The following JAZF1 variants were observed in gnomAD, a reference collection of about 807,000 sequenced individuals.
JAZF1 encodes the protein JAZF zinc finger 1.
A neutral mutation model predicts 26.4 loss-of-function variants in JAZF1; 8 were observed. The observed-to-expected ratio is 0.30, with a 90% CI of 0.18 to 0.55. The LOEUF (loss-of-function observed/expected upper bound fraction) is 0.55, where lower values mean the gene tolerates loss of function less well. JAZF1 is among the 20% of genes least tolerant of loss of function. JAZF1 has a pLI of 0.94. For missense variants in JAZF1, 199 were observed against 322.0 expected (o/e 0.62, Z 2.92); for synonymous variants, 126 against 122.3 (o/e 1.03, Z -0.20).
At chr7:28,140,707 T>C (rs1208300085) in intron 1 of JAZF1, among the ~76,000 whole-genome samples, 2 of 152,230 alleles carry the variant, frequency 1.3e-5, no homozygotes, top group East Asian at 1.9e-4. Flanking sequence ...ACACATTGAA[T>C]TAAAGTAGAG....
chr7:27,869,996 C>T (rs2128337706), intron 3 of JAZF1, among the ~76,000 whole-genome samples: 1 of 152,136 alleles, frequency 6.6e-6, no homozygotes, highest in South Asian at 2.1e-4. Context: ...GCAACCTCTG[C>T]ATCCTGGGTT....
intron 1 of JAZF1, among the ~76,000 whole-genome samples, chr7:28,171,565 G>A (rs546519816): frequency 2.6e-5 from 4 of 152,328 alleles, no homozygotes; most frequent in Admixed American, 2.0e-4. Flanking sequence ...CCCCGCTGGT[G>A]CAGCTGTGGG....
chr7:27,867,588 G>C (rs1783496709), intron 3 of JAZF1, among the ~76,000 whole-genome samples: 1 of 152,232 alleles, frequency 6.6e-6, no homozygotes, highest in Non-Finnish European at 1.5e-5. Context: ...GTACCAGGCA[G>C]GCCTCATAAC....
chr7:28,086,236 C>T (rs1784210100), intron 1 of JAZF1, among the ~76,000 whole-genome samples: 1 of 152,316 alleles, frequency 6.6e-6, no homozygotes, highest in Non-Finnish European at 1.5e-5. Flanking sequence ...GGTGGCTAAA[C>T]ATCTTGCCTC....
intron 1 of JAZF1, among the ~76,000 whole-genome samples, chr7:28,040,043 G>T (rs1010573331): frequency 6.6e-6 from 1 of 152,140 alleles, no homozygotes; most frequent in Non-Finnish European, 1.5e-5. Flanking sequence ...TCCTCAAACT[G>T]AAGACTCCTA....
intron 1 of JAZF1, among the ~76,000 whole-genome samples, chr7:27,998,025 A>AGAAGGAAGGAAGGAAGGAAG (rs199643152): frequency 2.2e-4 from 24 of 111,288 alleles, no homozygotes; most frequent in Non-Finnish European, 3.5e-4. Flanking sequence ...AATGGGGGGA[A>AGAAGGAAGGAAGGAAGGAAG]GAAGGAAGGA....
At chr7:28,160,787 G>T (rs1333454463) in intron 1 of JAZF1, among the ~76,000 whole-genome samples, 1 of 152,148 alleles carries the variant, frequency 6.6e-6, no homozygotes, top group Non-Finnish European at 1.5e-5. Flanking sequence ...AAAGATTACA[G>T]GCTTTCTAAA....
At chr7:27,970,600 A>G (rs1206873971) in intron 2 of JAZF1, among the ~76,000 whole-genome samples, 1 of 152,226 alleles carries the variant, frequency 6.6e-6, no homozygotes, top group East Asian at 1.9e-4. Context: ...TAGAAGTCAG[A>G]TATTTTGATA....
chr7:28,022,393 T>G (rs974383258), intron 1 of JAZF1, among the ~76,000 whole-genome samples: 2 of 152,200 alleles, frequency 1.3e-5, no homozygotes, highest in African/African-American at 4.8e-5. Context: ...TTCTAACAAA[T>G]GGATAAACTT....
chr7:28,180,259 C>CGCCCCCTCCCCCACCCGA (rs1783621126), intron 1 of JAZF1: 1 of 130,702 alleles, frequency 7.7e-6, no homozygotes. Context: ...TCGGGGCGCC[C>CGCCCCCTCCCCCACCCGA]GCCCCCTCCC....
At chr7:28,114,638 C>A (rs1390108212) in intron 1 of JAZF1, among the ~76,000 whole-genome samples, 1 of 148,934 alleles carries the variant, frequency 6.7e-6, no homozygotes, top group Non-Finnish European at 1.5e-5. Flanking sequence ...TATTTACTGG[C>A]AGTTTCAGGT....
At chr7:28,070,642 T>C (rs962835185) in intron 1 of JAZF1, among the ~76,000 whole-genome samples, 5 of 152,200 alleles carry the variant, frequency 3.3e-5, no homozygotes, top group African/African-American at 7.2e-5. Context: ...TCTTAGACTT[T>C]AGAACAAGCT....
At chr7:27,939,942 A>G (rs1430501270) in intron 2 of JAZF1, among the ~76,000 whole-genome samples, 1 of 152,164 alleles carries the variant, frequency 6.6e-6, no homozygotes, top group Non-Finnish European at 1.5e-5. Flanking sequence ...GCTTGCTAAC[A>G]GTGGTTGAAA....
At chr7:27,872,773 T>A (rs1783605772) in intron 3 of JAZF1, among the ~76,000 whole-genome samples, 1 of 152,226 alleles carries the variant, frequency 6.6e-6, no homozygotes, top group African/African-American at 2.4e-5. Context: ...TCTTTGGGGC[T>A]TTCTTCTTCA....
intron 1 of JAZF1, among the ~76,000 whole-genome samples, chr7:27,996,782 A>G (rs532566689): frequency 3.3e-5 from 5 of 152,322 alleles, no homozygotes; most frequent in African/African-American, 1.2e-4. Flanking sequence ...CACACTTTTC[A>G]GAGGTGAAGA....
intron 2 of JAZF1, among the ~76,000 whole-genome samples, chr7:27,984,352 A>T (rs1187723363): frequency 6.6e-6 from 1 of 152,242 alleles, no homozygotes; most frequent in East Asian, 1.9e-4. Flanking sequence ...CAAAAGAGAC[A>T]AAGAAGGCCA....
Position 28,013,500 on chromosome 7 carries a change from G to C in JAZF1, c.116-21519C>G, listed in dbSNP as rs149224939. Among the ~76,000 whole-genome samples the C allele has an allele frequency of 4.6e-3, 706 of 152,220 alleles. 15 individuals carry two copies. Among genetic ancestry groups the C allele is most frequent in the Middle Eastern group, 3.4e-3 (1 of 294 alleles). On this transcript the variant is annotated intron_variant, in intron 1 of 4. Coordinates refer to ENST00000283928, the MANE Select transcript of JAZF1 (RefSeq NM_175061.4). Reference sequence around the variant, plus strand: ...TAGGGCAGGCATCCCCAGTGCTCCTGATTTAGTAGCTATAGGGTGGGCCCT... The same window carrying C: ...TAGGGCAGGCATCCCCAGTGCTCCTCATTTAGTAGCTATAGGGTGGGCCCT...
chr7:28,128,786 C>T (rs1782741879), intron 1 of JAZF1, among the ~76,000 whole-genome samples: 1 of 152,188 alleles, frequency 6.6e-6, no homozygotes, highest in Non-Finnish European at 1.5e-5. Context: ...CCAAGGATAG[C>T]TGCACTGTAC....
At chr7:28,082,311 C>T (rs532895783) in intron 1 of JAZF1, among the ~76,000 whole-genome samples, 4 of 152,152 alleles carry the variant, frequency 2.6e-5, no homozygotes, top group Non-Finnish European at 5.9e-5. Context: ...TTCTCTGCAA[C>T]ATTTCACTGG....
Sources: gnomAD v4.1 joint callset for allele counts (sites outside exome capture counted in the v4.1 genomes callset) on GRCh38, gnomAD v4.1.1 for gene constraint, MANE v1.5 for transcripts, NCBI Gene and HGNC (gene_info 2026-07-23, HGNC 2026-07-21) for gene names.